The following NKAIN3 variants were observed in gnomAD, a reference collection of about 807,000 sequenced individuals.
NKAIN3 encodes the protein sodium/potassium transporting ATPase interacting 3.
Under a neutral mutation model 30.2 loss-of-function variants are expected in NKAIN3, and 25 were observed. The ratio of observed to expected loss-of-function variants is 0.83; its 90% confidence interval spans 0.60 to 1.16. The LOEUF is 1.16. Ranked by LOEUF, NKAIN3 falls within the 50% of genes most tolerant of loss-of-function variation. The probability of loss-of-function intolerance (pLI) is 0.00; values close to 1 mark genes in which losing one functional copy is unlikely to be tolerated. For missense variants in NKAIN3, 225 were observed against 254.1 expected, an observed-to-expected ratio of 0.89 and a Z score of 0.78; for synonymous variants, 91 against 89.6, an observed-to-expected ratio of 1.02 and a Z score of -0.09.
chr8:62,691,125 T>A (rs1813953521), intron 3 of NKAIN3, among the ~76,000 whole-genome samples: 5 of 152,180 alleles, frequency 3.3e-5, no homozygotes, highest in Admixed American at 2.6e-4. Context: ...AAGTACGTAG[T>A]TCAGTGTTTG....
intron 1 of NKAIN3, chr8:62,344,759 G>A: frequency 2.8e-6 from 1 of 354,448 alleles, no homozygotes; most frequent in Non-Finnish European, 5.5e-6. Flanking sequence ...CTACACACTA[G>A]TAAGCCACTG....
chr8:62,774,483 C>A (rs1448985634), intron 4 of NKAIN3, among the ~76,000 whole-genome samples: 2 of 152,050 alleles, frequency 1.3e-5, no homozygotes, highest in African/African-American at 2.4e-5. Flanking sequence ...TGTCATGTTC[C>A]AGATTTTAGA....
chr8:62,398,995 G>C (rs1284658809), intron 1 of NKAIN3, among the ~76,000 whole-genome samples: 1 of 152,162 alleles, frequency 6.6e-6, no homozygotes, highest in Non-Finnish European at 1.5e-5. Flanking sequence ...TGAGGCTGAG[G>C]CAGGAGAATC....
At chr8:62,595,979 A>G (rs576206279) in intron 3 of NKAIN3, among the ~76,000 whole-genome samples, 23 of 152,146 alleles carry the variant, frequency 1.5e-4, no homozygotes, top group African/African-American at 5.5e-4. Context: ...ATTGAAATGT[A>G]TGGCCTGCAG....
chr8:62,320,092 T>A (rs1433148423), intron 1 of NKAIN3, among the ~76,000 whole-genome samples: 1 of 152,196 alleles, frequency 6.6e-6, no homozygotes, highest in Non-Finnish European at 1.5e-5. Flanking sequence ...TGTAATGGCC[T>A]TCTTTGTCTC....
At chr8:62,799,214 G>A (rs533697550) in intron 4 of NKAIN3, among the ~76,000 whole-genome samples, 1 of 152,256 alleles carries the variant, frequency 6.6e-6, no homozygotes, top group East Asian at 1.9e-4. Context: ...CATGTTTGGA[G>A]CATATTTCCT....
chr8:62,832,258 GACACACAC>G (rs57632946), intron 4 of NKAIN3, among the ~76,000 whole-genome samples: 15,458 of 132,600 alleles, frequency 0.12, 826 homozygotes, highest in Non-Finnish European at 0.15. Context: ...TGACCAAACA[GACACACAC>G]ACACACACAC....
intron 1 of NKAIN3, among the ~76,000 whole-genome samples, chr8:62,262,380 T>C (rs1001576157): frequency 2.3e-4 from 35 of 152,210 alleles, no homozygotes; most frequent in African/African-American, 7.5e-4. Flanking sequence ...GAACCACTTC[T>C]GACAAAGCTT....
chr8:62,572,700 C>T (rs967344261), intron 1 of NKAIN3, among the ~76,000 whole-genome samples: 2 of 152,064 alleles, frequency 1.3e-5, no homozygotes, highest in African/African-American at 4.8e-5. Flanking sequence ...GGGAAGAGAG[C>T]TTGTGTAGGG....
chr8:62,986,104 A>G (rs1422862377), downstream of NKAIN3, among the ~76,000 whole-genome samples: 1 of 152,198 alleles, frequency 6.6e-6, no homozygotes, highest in Admixed American at 6.5e-5. Flanking sequence ...ATTGTATGGC[A>G]GACACATTTC....
At chr8:62,815,714 C>G (rs182386381) in intron 4 of NKAIN3, among the ~76,000 whole-genome samples, 3,220 of 152,160 alleles carry the variant, frequency 0.021, 108 homozygotes, top group African/African-American at 0.069. Flanking sequence ...TTGATGGGAC[C>G]TATCTCAAAA....
intron 1 of NKAIN3, among the ~76,000 whole-genome samples, chr8:62,462,444 A>G (rs1806027106): frequency 6.6e-6 from 1 of 152,212 alleles, no homozygotes; most frequent in Non-Finnish European, 1.5e-5. Context: ...TTATTTGTTG[A>G]CTGACACTGA....
intron 1 of NKAIN3, among the ~76,000 whole-genome samples, chr8:62,418,245 G>T (rs1211164941): frequency 6.6e-6 from 1 of 152,108 alleles, no homozygotes; most frequent in African/African-American, 2.4e-5. Context: ...TATCATAAGA[G>T]GCAAGTGAAT....
intron 1 of NKAIN3, among the ~76,000 whole-genome samples, chr8:62,288,631 C>T (rs1813463407): frequency 6.6e-6 from 1 of 152,124 alleles, no homozygotes; most frequent in Non-Finnish European, 1.5e-5. Flanking sequence ...TTTCTTAATC[C>T]AGTCTATCAT....
chr8:62,788,389 T>A (rs977793429), intron 4 of NKAIN3, among the ~76,000 whole-genome samples: 1 of 151,416 alleles, frequency 6.6e-6, no homozygotes, highest in African/African-American at 2.4e-5. Context: ...GGGGTTGTTT[T>A]TTTCTTGTAA....
At chr8:62,755,279 T>C (rs916684022) in intron 4 of NKAIN3, among the ~76,000 whole-genome samples, 7 of 152,320 alleles carry the variant, frequency 4.6e-5, no homozygotes, top group Non-Finnish European at 1.0e-4. Flanking sequence ...TGCAACACCT[T>C]GCAGGGTTCG....
At position 62,827,659 on chromosome 8, in the gene NKAIN3, T is replaced by G. The variant is rs535440229; in HGVS notation, c.471+80530T>G. 5.9e-5 allele frequency among the ~76,000 whole-genome samples: 9 copies of G among 152,278 alleles called. No homozygotes were observed. In the South Asian group the frequency reaches 1.2e-3, roughly 21 times the overall value. On this transcript the variant is annotated intron_variant, in intron 4 of 6. Coordinates refer to ENST00000623646, the MANE Select transcript of NKAIN3 (RefSeq NM_001304533.3). The stretch of plus-strand genomic sequence containing the variant: ...TATCACATGAATATGGTAGACCAGA[T>G]AGAAGTCTACAAACTTAAAAATATA...
At chr8:62,836,315 A>G (rs952109509) in intron 4 of NKAIN3, among the ~76,000 whole-genome samples, 3 of 152,010 alleles carry the variant, frequency 2.0e-5, no homozygotes, top group Non-Finnish European at 4.4e-5. Flanking sequence ...ATACCGCCTC[A>G]ATCTTAATAA....
intron 1 of NKAIN3, among the ~76,000 whole-genome samples, chr8:62,421,217 T>C (rs927836260): frequency 1.3e-5 from 2 of 152,150 alleles, no homozygotes; most frequent in Admixed American, 6.6e-5. Flanking sequence ...CCTGTGCCCG[T>C]TGGTACTAAC....
Sources: allele counts gnomAD v4.1 joint callset (sites outside exome capture counted in the v4.1 genomes callset), GRCh38; gene constraint gnomAD v4.1.1; transcripts MANE v1.5; gene names NCBI Gene and HGNC (gene_info 2026-07-23, HGNC 2026-07-21).